NRXN1: variants seen among roughly 807,000 people sequenced by gnomAD.
The protein encoded by NRXN1 is neurexin-1.
A neutral mutation model predicts 150.9 loss-of-function variants in NRXN1; 39 were observed. That is an observed-to-expected ratio of 0.26 (90% confidence interval 0.20 to 0.34). The LOEUF is 0.34. Among genes scored for constraint, NRXN1 ranks in the 10% least tolerant of loss-of-function variants. NRXN1 has a pLI of 1.00. For missense variants in NRXN1, 1,815 were observed against 1,949.9 expected, an observed-to-expected ratio of 0.93 and a Z score of 1.30; for synonymous variants, 924 against 757.0, an observed-to-expected ratio of 1.22 and a Z score of -3.62.
Position 50,816,574 on chromosome 2 carries a change from C to A in NRXN1, c.832+105295G>T, listed in dbSNP as rs770357232. ...TTATCTTGCGTTATGCTTTTTTAAT[C>A]AAAAATTCTTCAAAGCTTACTGATT... On this transcript the variant is annotated intron_variant, in intron 5 of 22. Transcript: ENST00000401669. 1.4e-4 allele frequency among the ~76,000 whole-genome samples: 21 copies of A among 152,052 alleles called. 1 individual carries two copies. The highest frequency in any genetic ancestry group is 4.1e-4 in the South Asian group (2 of 4,822).
chr2:50,060,803 G>C (rs140875016), intron 19 of NRXN1, among the ~76,000 whole-genome samples: 1 of 152,032 alleles, frequency 6.6e-6, no homozygotes, highest in Non-Finnish European at 1.5e-5. Flanking sequence ...CTCCTCCTTC[G>C]TCTTTCTGAC....
chr2:50,244,291 T>C (rs1219327737), intron 17 of NRXN1, among the ~76,000 whole-genome samples: 1 of 151,822 alleles, frequency 6.6e-6, no homozygotes, highest in Non-Finnish European at 1.5e-5. Flanking sequence ...GTCAATATCC[T>C]AGACATTCAT....
At chr2:50,163,708 G>T (rs930776354) in intron 18 of NRXN1, among the ~76,000 whole-genome samples, 1 of 152,122 alleles carries the variant, frequency 6.6e-6, no homozygotes, top group South Asian at 2.1e-4. Context: ...ATGTTTAAAA[G>T]TCCAGTAAGC....
intron 5 of NRXN1, among the ~76,000 whole-genome samples, chr2:50,726,915 A>G (rs1021702972): frequency 6.6e-6 from 1 of 152,186 alleles, no homozygotes; most frequent in African/African-American, 2.4e-5. Flanking sequence ...TAATTCATCA[A>G]TATCCTATAT....
intron 17 of NRXN1, among the ~76,000 whole-genome samples, chr2:50,247,067 A>G (rs2066567386): frequency 6.6e-6 from 1 of 152,060 alleles, no homozygotes; most frequent in African/African-American, 2.4e-5. Flanking sequence ...TATTTATGTG[A>G]TCCATCCCAT....
At chr2:50,279,146 A>G (rs7422036) in intron 17 of NRXN1, among the ~76,000 whole-genome samples, 32,821 of 152,078 alleles carry the variant, frequency 0.22, 3,875 homozygotes, top group East Asian at 0.37. Context: ...AATACAAATA[A>G]TGGTGTTAGT....
chr2:50,666,631 T>C (rs1688061832), intron 5 of NRXN1, among the ~76,000 whole-genome samples: 1 of 151,968 alleles, frequency 6.6e-6, no homozygotes, highest in South Asian at 2.1e-4. Flanking sequence ...GTTTGCTTCA[T>C]GGGAATAAAT....
intron 18 of NRXN1, among the ~76,000 whole-genome samples, chr2:50,163,841 T>G (rs1372134685): frequency 6.6e-6 from 1 of 152,206 alleles, no homozygotes; most frequent in Non-Finnish European, 1.5e-5. Context: ...TTTTCAGGGC[T>G]GAACCAAGTT....
chr2:50,598,118 A>G (rs933631195), intron 8 of NRXN1, among the ~76,000 whole-genome samples: 5 of 152,118 alleles, frequency 3.3e-5, no homozygotes, highest in African/African-American at 4.8e-5. Flanking sequence ...AGCCTGGGCA[A>G]CAGGGCAAAA....
In NRXN1 at chr2:50,224,693, A is replaced by AAGAGAGAGAG. The variant is rs201700032; in HGVS notation, c.3546+12086_3546+12095dup. ...GATTAAAGAGAGAGAGAGAGGGAGA[A>AAGAGAGAGAG]AGAGAGAGAGAGAGAGAGAGAGAGA... is the stretch of plus-strand genomic sequence containing the variant. On this transcript the variant is annotated intron_variant, in intron 18 of 22. Transcript: ENST00000401669. 1.8e-3 allele frequency among the ~76,000 whole-genome samples: 234 copies of AAGAGAGAGAG among 130,484 alleles called. 1 individual carries two copies. The highest frequency in any genetic ancestry group is 4.1e-3 in the African/African-American group (142 of 34,580). 85.6% of individuals were successfully genotyped at this position (130,484 alleles called of 152,430 possible). A position where few individuals can be genotyped will look rare whatever the true frequency, so the allele number is the denominator to read the frequency against.
intron 21 of NRXN1, among the ~76,000 whole-genome samples, chr2:50,034,501 G>A (rs1401957828): frequency 1.3e-5 from 2 of 152,086 alleles, no homozygotes; most frequent in Admixed American, 6.6e-5. Flanking sequence ...GGAGGGTGGA[G>A]GTTGGGAAGA....
At chr2:50,228,079 T>C (rs1233036958) in intron 18 of NRXN1, among the ~76,000 whole-genome samples, 1 of 152,056 alleles carries the variant, frequency 6.6e-6, no homozygotes, top group Non-Finnish European at 1.5e-5. Flanking sequence ...TTTTGACAGC[T>C]TGGCATAAGA....
chr2:50,254,559 T>C (rs1477133693), intron 17 of NRXN1, among the ~76,000 whole-genome samples: 2 of 150,836 alleles, frequency 1.3e-5, no homozygotes, highest in Non-Finnish European at 2.9e-5. Context: ...TTTAGTGCTC[T>C]AAATTTCCCT....
At chr2:50,956,237 G>A (rs1408306747) in intron 2 of NRXN1, among the ~76,000 whole-genome samples, 2 of 152,086 alleles carry the variant, frequency 1.3e-5, no homozygotes, top group Non-Finnish European at 2.9e-5. Flanking sequence ...AGTTATTGCT[G>A]TTAACCTCTT....
At chr2:50,876,711 T>C (rs895015325) in intron 5 of NRXN1, among the ~76,000 whole-genome samples, 5 of 151,858 alleles carry the variant, frequency 3.3e-5, no homozygotes, top group African/African-American at 4.8e-5. Flanking sequence ...CATTCCAAAA[T>C]TGCCAACAAT....
At chr2:50,813,867 T>G (rs1472196887) in intron 5 of NRXN1, among the ~76,000 whole-genome samples, 1 of 152,192 alleles carries the variant, frequency 6.6e-6, no homozygotes, top group African/African-American at 2.4e-5. Context: ...TTTTCAGTGC[T>G]TCTTTTATTA....
intron 8 of NRXN1, among the ~76,000 whole-genome samples, chr2:50,580,775 C>T (rs1027505560): frequency 6.6e-6 from 1 of 152,142 alleles, no homozygotes; most frequent in Non-Finnish European, 1.5e-5. Context: ...CTTGTCTCCT[C>T]ATAAATCATC....
chr2:51,018,699 A>G (rs1313029484), intron 2 of NRXN1, among the ~76,000 whole-genome samples: 1 of 152,092 alleles, frequency 6.6e-6, no homozygotes, highest in Non-Finnish European at 1.5e-5. Flanking sequence ...CTAGTTCTTT[A>G]TATTTGTGCT....
At chr2:50,823,471 T>C (rs1670015726) in intron 5 of NRXN1, among the ~76,000 whole-genome samples, 2 of 152,328 alleles carry the variant, frequency 1.3e-5, no homozygotes, top group African/African-American at 4.8e-5. Flanking sequence ...CCATAAATTC[T>C]GGTGAATCTT....
Sources: gnomAD v4.1 joint callset for allele counts (sites outside exome capture counted in the v4.1 genomes callset) on GRCh38, gnomAD v4.1.1 for gene constraint, MANE v1.5 for transcripts, NCBI Gene and HGNC (gene_info 2026-07-23, HGNC 2026-07-21) for gene names.